Variants in ABCB9 observed in about 807,000 individuals in gnomAD.
ABCB9 encodes the protein ATP binding cassette subfamily B member 9.
Under a neutral mutation model 62.0 loss-of-function variants are expected in ABCB9, and 36 were observed. That is an observed-to-expected ratio of 0.58 (90% CI 0.45 to 0.77). The LOEUF (loss-of-function observed/expected upper bound fraction) is 0.77. Ranked by LOEUF, ABCB9 falls within the 30% of genes least tolerant of loss-of-function variation. The probability of loss-of-function intolerance (pLI) is 0.00; values close to 1 mark genes in which losing one functional copy is unlikely to be tolerated. For synonymous variants in ABCB9, 435 were observed against 461.4 expected (o/e 0.94, Z 0.73); for missense variants, 943 against 1,054.7 (o/e 0.89, Z 1.47).
At chr12:122,954,820 T>A (rs1252400106) in intron 2 of ABCB9, among the ~76,000 whole-genome samples, 1 of 152,198 alleles carries the variant, frequency 6.6e-6, no homozygotes, top group Non-Finnish European at 1.5e-5. Flanking sequence ...TAATAAGAGA[T>A]ACTCAACCCT....
upstream of ABCB9, chr12:122,966,605 G>C (rs1485854463): frequency 6.6e-6 from 1 of 151,908 alleles, no homozygotes; most frequent in Non-Finnish European, 1.5e-5. Context: ...ACGGGGCGGG[G>C]CCCCCGAGGA....
At chr12:122,937,952 T>G (rs951289802) in intron 9 of ABCB9, among the ~76,000 whole-genome samples, 1 of 152,202 alleles carries the variant, frequency 6.6e-6, no homozygotes, top group African/African-American at 2.4e-5. Context: ...CAGTCATGAA[T>G]AGCCTATTTT....
Position 122,929,648 on chromosome 12 carries a change from G to A in ABCB9, c.*263C>T, listed in dbSNP as rs911320713. Reference sequence around the variant, plus strand: ...CAGTAAAAACCCTGGTAAGACCTAGGTTTAAAAAGGCAGCTCTACCTTTGC... The same window carrying A: ...CAGTAAAAACCCTGGTAAGACCTAGATTTAAAAAGGCAGCTCTACCTTTGC... On this transcript the variant is annotated 3_prime_UTR_variant, in exon 12 of 12. Transcript: ENST00000280560. This position sits in a 1 kb window ranked among gnomAD's most constrained non-coding sequence, Gnocchi z 6.0. 1.8e-5 allele frequency: 22 copies of A among 1,234,094 alleles called. No homozygotes were observed. The highest frequency in any genetic ancestry group is 2.0e-5 in the Non-Finnish European group (20 of 987,996). The allele number at this position is 1,234,094 out of a possible 1,614,324, so 76.4% of individuals were successfully genotyped here. A position where few individuals can be genotyped will look rare whatever the true frequency, so the allele number is the denominator to read the frequency against.
intron 11 of ABCB9, among the ~76,000 whole-genome samples, chr12:122,923,164 G>A (rs1421934918): frequency 3.3e-5 from 5 of 152,160 alleles, no homozygotes; most frequent in Non-Finnish European, 2.9e-5. Context: ...GTGCAGTGGC[G>A]CCATCATGGC....
rs749097755 is a variant in ABCB9 at position 122,932,470 on chromosome 12, C to T, written c.1904-142G>A. The T allele has an allele frequency of 2.6e-6, 3 of 1,137,944 alleles. No homozygotes were observed. Among genetic ancestry groups the T allele is most frequent in the South Asian group, 3.3e-5 (2 of 60,678 alleles). The allele number at this position is 1,137,944 out of a possible 1,614,324, so 70.5% of individuals were successfully genotyped here. ...AAAGCTCATGAAATGATGTTCCCCC[C>T]ACCCAACTCATAAGGGGCATGCAGA... is the stretch of plus-strand genomic sequence containing the variant. On this transcript the variant is annotated intron_variant, in intron 10 of 11. Transcript: ENST00000280560. This position sits in a 1 kb window ranked among gnomAD's most constrained non-coding sequence, Gnocchi z 4.7.
intron 4 of ABCB9, 71 bp downstream of exon 4, chr12:122,949,717 C>T: frequency 6.3e-7 from 1 of 1,589,366 alleles, no homozygotes; most frequent in Non-Finnish European, 8.6e-7. Context: ...CCATTTCATT[C>T]CTCAGTGCCA....
At chr12:122,948,537 C>T in intron 5 of ABCB9, 87 bp downstream of exon 5, 3 of 1,270,814 alleles carry the variant, frequency 2.4e-6, no homozygotes, top group Non-Finnish European at 3.2e-6. Flanking sequence ...CCTTCACTAG[C>T]CCTTAGTGGC....
rs2036187058 is a variant in ABCB9 at position 122,948,714 on chromosome 12, C to T, written c.963G>A (p.Met321Ile). ...TVKVTGVVVFMFSLSWQLSLV... is the reference protein window; with the variant it reads ...TVKVTGVVVFIFSLSWQLSLV... ...AGGAGAGCTGCCATGAGAGGCTGAACATGAAGACCACCACGCCCGTGACCT... is the reference window on the plus strand; with the variant it reads ...AGGAGAGCTGCCATGAGAGGCTGAATATGAAGACCACCACGCCCGTGACCT... Residue 321 changes from methionine to isoleucine, a missense_variant, in exon 5 of 12, where the codon ATG becomes ATA. Physicochemically the swap from Met to Ile is conservative, Grantham distance 10 (BLOSUM62 1). Coordinates refer to ENST00000280560, the MANE Select transcript of ABCB9 (RefSeq NM_019625.4). The T allele has an allele frequency of 1.9e-6, 3 of 1,614,074 alleles. No homozygotes were observed. The highest frequency in any genetic ancestry group is 1.7e-6 in the Non-Finnish European group (2 of 1,179,980).
intron 2 of ABCB9, among the ~76,000 whole-genome samples, chr12:122,954,494 C>A (rs570627040): frequency 6.6e-6 from 1 of 151,866 alleles, no homozygotes; most frequent in East Asian, 1.9e-4. Flanking sequence ...CCGTGCCCGG[C>A]CTATTTTTTA....
At chr12:122,971,070 A>G (rs2037264845), upstream of ABCB9, among the ~76,000 whole-genome samples, 1 of 152,172 alleles carries the variant, frequency 6.6e-6, no homozygotes, top group Non-Finnish European at 1.5e-5. Flanking sequence ...ACTACTCCAT[A>G]TGATACTGTA....
Position 122,959,773 on chromosome 12 carries a change from C to A in ABCB9, c.463G>T (p.Ala155Ser), listed in dbSNP as rs2135909476. 6.2e-7 allele frequency: 1 copy of A among 1,611,972 alleles called. No homozygotes were observed. The highest frequency in any genetic ancestry group is 2.2e-5 in the East Asian group (1 of 44,850). Residue 155 changes from alanine to serine, a missense_variant, in exon 2 of 12, where the codon GCT (alanine) becomes TCT (serine). By Grantham distance (99) the Ala-to-Ser change is moderately conservative. Transcript: ENST00000280560. This position sits in a 1 kb window ranked among gnomAD's most constrained non-coding sequence, Gnocchi z 5.4. ...QALEPGAATEAEGFPGSGRPP... is the reference protein window; with the variant it reads ...QALEPGAATESEGFPGSGRPP... ...CGGCCGCTCCCAGGGAAGCCCTCAG[C>A]CTCGGTGGCCGCCCCTGGCTCCAGG...
intron 1 of ABCB9, among the ~76,000 whole-genome samples, chr12:122,962,671 C>T (rs1406052873): frequency 6.6e-6 from 1 of 152,220 alleles, no homozygotes; most frequent in African/African-American, 2.4e-5. Flanking sequence ...TCTGCCTCTC[C>T]ACCTGTCTAC....
upstream of ABCB9, among the ~76,000 whole-genome samples, chr12:122,970,961 G>A (rs1249173619): frequency 6.6e-6 from 1 of 152,158 alleles, no homozygotes; most frequent in Non-Finnish European, 1.5e-5. Context: ...TCTGGAAAAG[G>A]CAAAACGGTG....
downstream of ABCB9, chr12:122,924,861 G>GA: frequency 6.5e-7 from 1 of 1,529,062 alleles, no homozygotes; most frequent in Non-Finnish European, 8.8e-7. Flanking sequence ...AATTGTAACA[G>GA]AAAAAAGTCA....
In ABCB9 at chr12:122,932,042, CA is replaced by C; in HGVS notation, c.2040+149del. The C allele has an allele frequency of 7.1e-7, 1 of 1,406,350 alleles. No homozygotes were observed. Among genetic ancestry groups the C allele is most frequent in the South Asian group, 1.3e-5 (1 of 78,162 alleles). 87.1% of individuals were successfully genotyped at this position (1,406,350 alleles called of 1,614,324 possible). ...AGAGTGGCTCCTGGCTCCCCACTCT[CA>C]ACACCAGGAATTCACCAGCCCAGGA... On this transcript the variant is annotated intron_variant, in intron 11 of 11. Transcript: ENST00000280560. The surrounding 1 kb of genome is among the most constrained non-coding windows in gnomAD (Gnocchi z 4.7).
chr12:122,937,657 C>A (rs2135790290), intron 9 of ABCB9, among the ~76,000 whole-genome samples: 2 of 152,314 alleles, frequency 1.3e-5, no homozygotes, highest in East Asian at 3.9e-4. Flanking sequence ...CACTTGGCAC[C>A]ATTTCACAAC....
chr12:122,930,930 G>A lies in ABCB9; in HGVS notation c.2041-759C>T, dbSNP rs969256174. ...GGGCCCACCTGACCAGTGAGAATGC[G>A]ACTCAGAGGGGAAGCACTAGCTTGA... On this transcript the variant is annotated intron_variant, in intron 11 of 11. Transcript: ENST00000280560. The surrounding 1 kb of genome is among the most constrained non-coding windows in gnomAD (Gnocchi z 4.9). Among the ~76,000 whole-genome samples the A allele has an allele frequency of 2.6e-5, 4 of 152,184 alleles. No individual in the cohort carries two copies. Among genetic ancestry groups the A allele is most frequent in the African/African-American group, 4.8e-5 (2 of 41,444 alleles).
chr12:122,944,746 C>T lies in ABCB9; in HGVS notation c.1252-227G>A. 1.9e-6 allele frequency: 1 copy of T among 526,212 alleles called. No individual in the cohort carries two copies. The highest frequency in any genetic ancestry group is 2.3e-5 in the South Asian group (1 of 43,574). The allele number at this position is 526,212 out of a possible 1,614,324, so 32.6% of individuals were successfully genotyped here. ...AGCTGGAGCAGGCTGTGGGCTTGGC[C>T]ACAGAACAAGGCTTTCTTTGTGAGG... On this transcript the variant is annotated intron_variant, in intron 6 of 11. Transcript: ENST00000280560. This position sits in a 1 kb window ranked among gnomAD's most constrained non-coding sequence, Gnocchi z 4.9.
At chr12:122,971,103 A>C (rs1433632443), upstream of ABCB9, among the ~76,000 whole-genome samples, 1 of 152,108 alleles carries the variant, frequency 6.6e-6, no homozygotes, top group African/African-American at 2.4e-5. Flanking sequence ...TGCCACATAC[A>C]TTTGTCAAAA....
Sources: allele counts gnomAD v4.1 joint callset (sites outside exome capture counted in the v4.1 genomes callset), GRCh38; gene constraint gnomAD v4.1.1; non-coding constraint Gnocchi (gnomAD v3.1); transcripts MANE v1.5; gene names NCBI Gene and HGNC (gene_info 2026-07-23, HGNC 2026-07-21).